Variants in NAV3 observed in about 807,000 individuals in gnomAD.
The protein encoded by NAV3 is neuron navigator 3.
In NAV3, 87 loss-of-function variants were observed where a neutral mutation model predicts 244.7. The ratio of observed to expected loss-of-function variants is 0.36; its 90% CI spans 0.30 to 0.42. The LOEUF is 0.42. Ranked by LOEUF, NAV3 falls within the 20% of genes least tolerant of loss-of-function variation. The pLI, the probability that NAV3 is intolerant of heterozygous loss-of-function variation, is 1.00. For synonymous variants in NAV3, 1,126 were observed against 1,042.2 expected, an observed-to-expected ratio of 1.08 and a Z score of -1.55; for missense variants, 2,663 against 2,893.3, an observed-to-expected ratio of 0.92 and a Z score of 1.83.
At chr12:78,027,087 T>C (rs12315153) in intron 9 of NAV3, among the ~76,000 whole-genome samples, 2,737 of 152,178 alleles carry the variant, frequency 0.018, 75 homozygotes, top group African/African-American at 0.061. Flanking sequence ...ACAGAAGTAA[T>C]GTTAGAGTTC....
chr12:77,805,713 A>C (rs530184281), intron 2 of NAV3, among the ~76,000 whole-genome samples: 1 of 152,116 alleles, frequency 6.6e-6, no homozygotes, highest in African/African-American at 2.4e-5. Context: ...CTCTTTTTCT[A>C]TTGATTGGAA....
chr12:77,725,369 T>A (rs78047072), intron 2 of NAV3, among the ~76,000 whole-genome samples: 4,334 of 152,062 alleles, frequency 0.029, 136 homozygotes, highest in East Asian at 0.14. Flanking sequence ...CTGACGAAAA[T>A]GTGTTCATTT....
At position 78,127,177 on chromosome 12, in the gene NAV3, G is replaced by T; in HGVS notation, c.4249G>T (p.Asp1417Tyr). The T allele has an allele frequency of 6.2e-7, 1 of 1,613,712 alleles. No individual in the cohort carries two copies. The highest frequency in any genetic ancestry group is 2.2e-5 in the East Asian group (1 of 44,844). ...TCTTTGTTTTAACAGCATGCAGCTT[G>T]ACAGAAATACACTACCCAAAAAGGG... ...RSTLSESMQL[D>Y]RNTLPKKGLR... The change falls in exon 17 of 40, where the codon GAC becomes TAC. Residue 1417 changes from aspartate (D) to tyrosine (Y), a missense_variant. Physicochemically the swap from Asp to Tyr is radical, Grantham distance 160 (BLOSUM62 -3). Coordinates refer to ENST00000397909, the MANE Select transcript of NAV3 (RefSeq NM_001024383.2).
intron 18 of NAV3, chr12:78,131,026 C>T (rs911058870): frequency 6.5e-6 from 1 of 153,688 alleles, no homozygotes; most frequent in Middle Eastern, 2.3e-3. Context: ...TCCCTTCTCC[C>T]AAACCTGAAG....
intron 12 of NAV3, among the ~76,000 whole-genome samples, chr12:78,074,887 C>T (rs892337799): frequency 2.0e-5 from 3 of 152,090 alleles, no homozygotes; most frequent in African/African-American, 7.2e-5. Context: ...GTTGTCCAAC[C>T]CAACTCTTGA....
intron 13 of NAV3, among the ~76,000 whole-genome samples, chr12:78,117,385 T>TA (rs1955464848): frequency 3.9e-5 from 1 of 25,870 alleles, no homozygotes; most frequent in African/African-American, 1.1e-4. Context: ...TTTTATATAT[T>TA]ATATAAATAT....
At chr12:78,040,718 C>G (rs533714372) in intron 9 of NAV3, among the ~76,000 whole-genome samples, 7 of 151,992 alleles carry the variant, frequency 4.6e-5, no homozygotes, top group Non-Finnish European at 1.0e-4. Context: ...GTACCTCCCC[C>G]ACCAAGTAAA....
intron 15 of NAV3, 93 bp downstream of exon 15, chr12:78,120,038 T>A: frequency 1.2e-5 from 10 of 851,420 alleles, no homozygotes; most frequent in Admixed American, 3.7e-5. Context: ...ATATATATTT[T>A]AAATATGTAT....
chr12:77,810,326 C>T (rs1025666365), intron 2 of NAV3, among the ~76,000 whole-genome samples: 11 of 152,204 alleles, frequency 7.2e-5, no homozygotes, highest in African/African-American at 2.6e-4. Context: ...CGCCCGCCAC[C>T]ACGCCGGGCT....
chr12:77,707,493 G>T (rs1875882667), intron 2 of NAV3, among the ~76,000 whole-genome samples: 1 of 152,110 alleles, frequency 6.6e-6, no homozygotes, highest in Non-Finnish European at 1.5e-5. Flanking sequence ...TCAAGTCTTT[G>T]CTATTGTGAA....
At chr12:78,063,353 G>A (rs901455623) in intron 12 of NAV3, among the ~76,000 whole-genome samples, 5 of 152,056 alleles carry the variant, frequency 3.3e-5, no homozygotes, top group Admixed American at 2.0e-4. Flanking sequence ...TTAAATATGT[G>A]GGTTTTATAC....
intron 1 of NAV3, among the ~76,000 whole-genome samples, chr12:77,924,594 T>C (rs900594742): frequency 6.6e-6 from 1 of 152,146 alleles, no homozygotes; most frequent in African/African-American, 2.4e-5. Flanking sequence ...ATTTTCAACA[T>C]AGATATCTAA....
chr12:78,100,475 C>A (rs1246195750), intron 12 of NAV3, among the ~76,000 whole-genome samples: 2 of 151,470 alleles, frequency 1.3e-5, no homozygotes, highest in African/African-American at 4.8e-5. Flanking sequence ...ATCATTTTTA[C>A]CACAAAATAT....
At chr12:78,156,408 A>C (rs1957307724) in intron 22 of NAV3, among the ~76,000 whole-genome samples, 1 of 152,130 alleles carries the variant, frequency 6.6e-6, no homozygotes, top group African/African-American at 2.4e-5. Context: ...GTGCATAATT[A>C]CAAACTGCCA....
At chr12:77,781,428 A>T (rs1183560147) in intron 2 of NAV3, among the ~76,000 whole-genome samples, 1 of 152,190 alleles carries the variant, frequency 6.6e-6, no homozygotes, top group Non-Finnish European at 1.5e-5. Context: ...CAGAACCCAG[A>T]CATTCCTTTC....
intron 1 of NAV3, among the ~76,000 whole-genome samples, chr12:77,874,387 T>A (rs1179834814): frequency 6.6e-6 from 1 of 151,714 alleles, no homozygotes; most frequent in Non-Finnish European, 1.5e-5. Context: ...CTCAGCTAAT[T>A]TTTTTTAAAT....
At chr12:77,676,724 A>G (rs1457463197) in intron 2 of NAV3, among the ~76,000 whole-genome samples, 1 of 152,068 alleles carries the variant, frequency 6.6e-6, no homozygotes, top group Admixed American at 6.5e-5. Context: ...CAAATACCTA[A>G]TGCATGTGGA....
chr12:77,589,765 C>T (rs544157663), intron 2 of NAV3, among the ~76,000 whole-genome samples: 1 of 152,310 alleles, frequency 6.6e-6, no homozygotes, highest in South Asian at 2.1e-4. Flanking sequence ...ACAGCCAAAC[C>T]ATATCAGACA....
chr12:77,928,658 T>C (rs1393587551), intron 1 of NAV3, among the ~76,000 whole-genome samples: 1 of 152,180 alleles, frequency 6.6e-6, no homozygotes, highest in Non-Finnish European at 1.5e-5. Flanking sequence ...AAAAACTGCA[T>C]GTAAAGAAAA....
Sources: allele counts gnomAD v4.1 joint callset (sites outside exome capture counted in the v4.1 genomes callset), GRCh38; gene constraint gnomAD v4.1.1; transcripts MANE v1.5; gene names NCBI Gene and HGNC (gene_info 2026-07-23, HGNC 2026-07-21).